DNAI4: variants seen among roughly 807,000 people sequenced by gnomAD.
DNAI4 encodes the protein dynein axonemal intermediate chain 4, also known as WD repeat domain 78.
DNAI4 carries 85 observed loss-of-function variants against 105.8 expected under a neutral mutation model. The ratio of observed to expected loss-of-function variants is 0.80; its 90% CI spans 0.67 to 0.96. The LOEUF (loss-of-function observed/expected upper bound fraction) is 0.96, where lower values mean the gene tolerates loss of function less well. Among genes scored for constraint, DNAI4 ranks in the 40% least tolerant of loss-of-function variants. The pLI is 0.00. For missense variants in DNAI4, 1,014 were observed against 1,005.6 expected (o/e 1.01, Z -0.11); for synonymous variants, 352 against 331.5 (o/e 1.06, Z -0.67).
intron 5 of DNAI4, among the ~76,000 whole-genome samples, chr1:66,872,690 C>T (rs755036787): frequency 2.0e-4 from 30 of 151,874 alleles, no homozygotes; most frequent in Non-Finnish European, 2.6e-4. Flanking sequence ...AATGAAATTA[C>T]TTTTATATTC....
chr1:66,914,107 GA>G (rs1217841058), intron 1 of DNAI4, among the ~76,000 whole-genome samples: 1 of 150,370 alleles, frequency 6.7e-6, no homozygotes, highest in African/African-American at 2.5e-5. Context: ...TCCTCCTTTA[GA>G]AAAAAAATAA....
chr1:66,841,372 AT>A (rs1216268691), intron 8 of DNAI4, among the ~76,000 whole-genome samples: 7 of 152,146 alleles, frequency 4.6e-5, no homozygotes, highest in African/African-American at 1.7e-4. Context: ...AAAAAAAAGC[AT>A]TTGCCTTGTC....
rs112758225 is a variant in DNAI4, at chr1:66,893,235, A to G, written c.524T>C (p.Phe175Ser). ...ATATAATAGTATACTCTACCTTGTA[A>G]ACTGCCCTAACGTACTAGGATTTAT... ...NTINPSTLGQ[F>S]TRSVLGSSTV... is the part of the protein sequence containing the mutation. The change falls in exon 3 of 17, where the codon TTT becomes TCT. Residue 175 changes from phenylalanine to serine, a missense_variant. Phe to Ser is a radical substitution (Grantham distance 155). Coordinates refer to ENST00000371026, the MANE Select transcript of DNAI4 (RefSeq NM_024763.5). The G allele has an allele frequency of 1.9e-5, 30 of 1,562,710 alleles. 3 individuals carry two copies. The highest frequency in any genetic ancestry group is 1.1e-4 in the African/African-American group (8 of 72,500).
At chr1:66,835,600 C>A in intron 11 of DNAI4, 26 bp downstream of exon 11, 1 of 1,607,654 alleles carries the variant, frequency 6.2e-7, no homozygotes, top group Non-Finnish European at 8.5e-7. Context: ...ATGTATTATA[C>A]ATTTATCTAA....
At chr1:66,845,669 T>C (rs938183295) in intron 8 of DNAI4, among the ~76,000 whole-genome samples, 6 of 152,126 alleles carry the variant, frequency 3.9e-5, no homozygotes, top group Non-Finnish European at 5.9e-5. Flanking sequence ...ACTAGAGCAT[T>C]ACTAGGAAAA....
In DNAI4 at chr1:66,893,075, A is replaced by AAAAG. The variant is rs1553227659; in HGVS notation, c.530+153_530+154insCTTT. ...AGAAAGAGAGAGAGAGAAAGAAAGA[A>AAAAG]AGAAAGAAAGAAAGAAAGAAAGAAA... On this transcript the variant is annotated intron_variant, in intron 3 of 16. Coordinates refer to ENST00000371026, the MANE Select transcript of DNAI4 (RefSeq NM_024763.5). Among the ~76,000 whole-genome samples, 587 of 141,838 alleles carry AAAAG rather than the reference A, an allele frequency of 4.1e-3. 10 individuals are homozygous for AAAAG. Among genetic ancestry groups the AAAAG allele is most frequent in the African/African-American group, 0.013 (471 of 35,004 alleles). The allele number at this position is 141,838 out of a possible 152,430, so 93.1% of individuals were successfully genotyped here.
chr1:66,826,499 T>C (rs1645756927), intron 15 of DNAI4, among the ~76,000 whole-genome samples: 1 of 152,118 alleles, frequency 6.6e-6, no homozygotes, highest in South Asian at 2.1e-4. Context: ...GGTTTTGCCA[T>C]GTTGGCCAGG....
At position 66,847,657 on chromosome 1, in the gene DNAI4, A is replaced by G; in HGVS notation, c.1118T>C (p.Met373Thr). The change falls in exon 8 of 17, where the codon ATG becomes ACG. Residue 373 changes from methionine to threonine, a missense_variant. Physicochemically the swap from Met to Thr is moderately conservative, Grantham distance 81. Coordinates refer to ENST00000371026, the MANE Select transcript of DNAI4 (RefSeq NM_024763.5). ...TGCCAGAATTACATTTTCTATGTCC[A>G]TTAGAGAACTAGTTTCACTATCTAC... Reference protein sequence around the residue: ...TEKNSETSSLMDIENVILAKI... With the variant: ...TEKNSETSSLTDIENVILAKI... 1 of 1,608,760 alleles carries G rather than the reference A, an allele frequency of 6.2e-7. No homozygotes were observed. Among genetic ancestry groups the G allele is most frequent in the African/African-American group, 1.3e-5 (1 of 74,670 alleles).
intron 5 of DNAI4, among the ~76,000 whole-genome samples, chr1:66,872,670 T>A (rs1646871736): frequency 6.6e-6 from 1 of 152,170 alleles, no homozygotes; most frequent in Non-Finnish European, 1.5e-5. Flanking sequence ...TTTTTCTATT[T>A]TTATTTTTTA....
At chr1:66,862,053 A>G (rs896044136) in intron 7 of DNAI4, 94 bp downstream of exon 7, 3 of 1,224,384 alleles carry the variant, frequency 2.5e-6, no homozygotes, top group African/African-American at 3.1e-5. Flanking sequence ...TTCATGGTCC[A>G]TTAGAAAGAA....
At chr1:66,866,367 C>T (rs1327002540) in intron 6 of DNAI4, among the ~76,000 whole-genome samples, 5 of 151,694 alleles carry the variant, frequency 3.3e-5, no homozygotes, top group East Asian at 1.9e-4. Context: ...AGAATTCAGA[C>T]CGATAATGTA....
intron 4 of DNAI4, 73 bp from the exon 5 acceptor site, chr1:66,875,010 A>G (rs1646931705): frequency 7.6e-7 from 1 of 1,311,216 alleles, no homozygotes; most frequent in South Asian, 1.4e-5. Context: ...TCTAGTCACC[A>G]ATATACCATA....
intron 10 of DNAI4, among the ~76,000 whole-genome samples, chr1:66,836,895 G>A (rs984993965): frequency 6.6e-6 from 1 of 152,116 alleles, no homozygotes; most frequent in Non-Finnish European, 1.5e-5. Flanking sequence ...AAACTTTAAA[G>A]TAACAGATTG....
chr1:66,910,126 T>C (rs759076772), intron 1 of DNAI4, among the ~76,000 whole-genome samples: 3 of 152,116 alleles, frequency 2.0e-5, no homozygotes, highest in Admixed American at 6.5e-5. Flanking sequence ...GACAGGAGGA[T>C]TGCTTGAGGT....
At chr1:66,898,890 G>C (rs571308717) in intron 2 of DNAI4, among the ~76,000 whole-genome samples, 43 of 152,254 alleles carry the variant, frequency 2.8e-4, no homozygotes, top group African/African-American at 1.0e-3. Flanking sequence ...AGTATTTTGT[G>C]ACTGGCTTGT....
chr1:66,878,323 C>T (rs539069618), intron 4 of DNAI4, among the ~76,000 whole-genome samples: 61 of 152,172 alleles, frequency 4.0e-4, no homozygotes, highest in African/African-American at 1.4e-3. Flanking sequence ...CTCTCAAATA[C>T]CCCTTTTTGT....
chr1:66,827,876 C>T lies in DNAI4; in HGVS notation c.2048G>A (p.Gly683Asp). Residue 683 changes from glycine to aspartate, a missense_variant, in exon 14 of 17, where the codon GGT (glycine) becomes GAT (aspartate). Gly to Asp is a moderately conservative substitution (Grantham distance 94). Transcript: ENST00000371026. ...TGAACAAGAACATTTGTGAATATGA[C>T]CTTCTTCAGTGCCAGCCAAATAGAT... ...TNIYLAGTEE[G>D]HIHKCSCSYN... is the part of the protein sequence containing the mutation. 1 of 1,606,996 alleles carries T rather than the reference C, an allele frequency of 6.2e-7. No homozygotes were observed.
At chr1:66,906,994 T>A (rs1365420748) in intron 1 of DNAI4, 4 of 152,278 alleles carry the variant, frequency 2.6e-5, no homozygotes, top group East Asian at 3.9e-4. Context: ...AGGTCTCCTA[T>A]CTTATTTTTT....
Position 66,893,365 on chromosome 1 carries a change from G to T in DNAI4, c.394C>A (p.Pro132Thr). Reference sequence around the variant, plus strand: ...TTTGCTGTACCAGTAAGTGGATCTGGATGGTAAAGAGGTCGGGGAGTAACA... The same window carrying T: ...TTTGCTGTACCAGTAAGTGGATCTGTATGGTAAAGAGGTCGGGGAGTAACA... ...TDVTPRPLYHPDPLTGTAKPS... is the reference protein window; with the variant it reads ...TDVTPRPLYHTDPLTGTAKPS... Residue 132 changes from proline (P) to threonine (T), a missense_variant, in exon 3 of 17, where the codon CCA becomes ACA. By Grantham distance (38) the Pro-to-Thr change is conservative. Transcript: ENST00000371026. The T allele has an allele frequency of 6.3e-7, 1 of 1,599,676 alleles. No individual in the cohort carries two copies. Among genetic ancestry groups the T allele is most frequent in the South Asian group, 1.1e-5 (1 of 88,850 alleles).
Sources: gnomAD v4.1 joint callset for allele counts (sites outside exome capture counted in the v4.1 genomes callset) on GRCh38, gnomAD v4.1.1 for gene constraint, MANE v1.5 for transcripts, NCBI Gene and HGNC (gene_info 2026-07-23, HGNC 2026-07-21) for gene names.